GRID1: variants seen among roughly 807,000 people sequenced by gnomAD.
GRID1 encodes glutamate ionotropic receptor delta type subunit 1.
Under a neutral mutation model 98.0 loss-of-function variants are expected in GRID1, and 28 were observed. The ratio of observed to expected loss-of-function variants is 0.29; its 90% CI spans 0.21 to 0.39. The LOEUF is 0.39. Ranked by LOEUF, GRID1 falls within the 10% of genes least tolerant of loss-of-function variation. The pLI is 1.00. For synonymous variants in GRID1, 553 were observed against 538.5 expected, an observed-to-expected ratio of 1.03 and a Z score of -0.37; for missense variants, 1,111 against 1,340.5, an observed-to-expected ratio of 0.83 and a Z score of 2.67.
At chr10:86,055,001 G>T (rs1303741667) in intron 4 of GRID1, among the ~76,000 whole-genome samples, 8 of 152,200 alleles carry the variant, frequency 5.3e-5, no homozygotes, top group African/African-American at 1.7e-4. Flanking sequence ...ATTTCCATGA[G>T]AATGAGCCTG....
Position 85,970,558 on chromosome 10 carries a change from A to G in GRID1, c.727-54319T>C, listed in dbSNP as rs1439247291. ...TAATATGCCATAGTTAACAGAATAA[A>G]GGACAAAAAACATATGATTATCTTT... On this transcript the variant is annotated intron_variant, in intron 4 of 15. Transcript: ENST00000327946. Among the ~76,000 whole-genome samples the G allele has an allele frequency of 3.3e-5, 5 of 152,120 alleles. No individual in the cohort carries two copies. The East Asian group carries it at 9.6e-4, about 29-fold the overall frequency.
intron 12 of GRID1, among the ~76,000 whole-genome samples, chr10:85,696,410 G>A (rs1291242250): frequency 1.3e-5 from 2 of 152,042 alleles, no homozygotes. Context: ...TAAAAAAGCA[G>A]AGAGAAAGGT....
chr10:86,039,726 G>A (rs1317208513), intron 4 of GRID1, among the ~76,000 whole-genome samples: 4 of 152,224 alleles, frequency 2.6e-5, no homozygotes, highest in Admixed American at 2.6e-4. Context: ...TAGGTCCTAA[G>A]CAATGCATTT....
At chr10:85,754,262 C>T (rs571315942) in intron 8 of GRID1, among the ~76,000 whole-genome samples, 3 of 152,312 alleles carry the variant, frequency 2.0e-5, no homozygotes, top group South Asian at 4.1e-4. Flanking sequence ...TCTATCAAAG[C>T]ATCAATATAT....
chr10:86,056,655 G>A lies in GRID1; in HGVS notation c.726+82164C>T, dbSNP rs145735318. ...CAGCCAAAGAAATGAAGTTGCTTCC[G>A]CCCACCAGCATCATTGAGGCAGCAG... On this transcript the variant is annotated intron_variant, in intron 4 of 15. Transcript: ENST00000327946. Among the ~76,000 whole-genome samples the A allele has an allele frequency of 5.6e-3, 848 of 152,280 alleles. 21 individuals carry two copies. Among genetic ancestry groups the A allele is most frequent in the Non-Finnish European group, 1.9e-3 (129 of 68,018 alleles).
chr10:85,977,878 T>C (rs1488033396), intron 4 of GRID1, among the ~76,000 whole-genome samples: 1 of 152,126 alleles, frequency 6.6e-6, no homozygotes, highest in Non-Finnish European at 1.5e-5. Context: ...TGATGGAACA[T>C]GCTTAGGAGC....
intron 4 of GRID1, among the ~76,000 whole-genome samples, chr10:85,939,315 CT>C (rs1429844351): frequency 1.3e-5 from 2 of 152,200 alleles, no homozygotes; most frequent in Non-Finnish European, 2.9e-5. Flanking sequence ...TGTATTAGCT[CT>C]TTATTGATGC....
chr10:86,138,600 G>T (rs1036687137), intron 4 of GRID1, among the ~76,000 whole-genome samples: 1 of 152,216 alleles, frequency 6.6e-6, no homozygotes, highest in Non-Finnish European at 1.5e-5. Context: ...CTCTTCAGAG[G>T]CTGGGCAGGC....
chr10:85,774,191 C>T (rs1236320645), intron 8 of GRID1, among the ~76,000 whole-genome samples: 1 of 152,158 alleles, frequency 6.6e-6, no homozygotes, highest in Non-Finnish European at 1.5e-5. Context: ...ACTATCTGAT[C>T]TTTGACAAAC....
intron 12 of GRID1, among the ~76,000 whole-genome samples, chr10:85,685,629 G>A (rs1841260594): frequency 6.6e-6 from 1 of 152,092 alleles, no homozygotes; most frequent in South Asian, 2.1e-4. Context: ...TGGAGACGTG[G>A]ATATAATAGT....
In GRID1 at chr10:85,990,005, A is replaced by G. The variant is rs144276152; in HGVS notation, c.727-73766T>C. On this transcript the variant is annotated intron_variant, in intron 4 of 15. Transcript: ENST00000327946. ...AAAAGACAGCCGCCTGTGAACCAGG[A>G]AGCAAGCCCTCACCAGATTCTGAAT... is the stretch of plus-strand genomic sequence containing the variant. Among the ~76,000 whole-genome samples the G allele has an allele frequency of 3.3e-3, 510 of 152,278 alleles. 2 individuals carry two copies. The highest frequency in any genetic ancestry group is 0.012 in the African/African-American group (483 of 41,558).
chr10:85,612,202 T>C (rs988791067), intron 15 of GRID1, among the ~76,000 whole-genome samples: 12 of 152,178 alleles, frequency 7.9e-5, no homozygotes, highest in African/African-American at 2.2e-4. Context: ...AATGCCCTTA[T>C]GGACCAATGA....
chr10:85,622,363 C>G (rs113687387), intron 13 of GRID1, among the ~76,000 whole-genome samples: 1 of 152,108 alleles, frequency 6.6e-6, no homozygotes, highest in Admixed American at 6.5e-5. Context: ...TCCCCATTTG[C>G]CTATTTGTAA....
chr10:86,361,630 G>A (rs560095057), intron 2 of GRID1, among the ~76,000 whole-genome samples: 10 of 152,274 alleles, frequency 6.6e-5, no homozygotes, highest in Admixed American at 1.3e-4. Flanking sequence ...GCTTTGGGGC[G>A]CTTACAGGTT....
At chr10:85,620,836 A>C (rs1312421246) in intron 13 of GRID1, among the ~76,000 whole-genome samples, 1 of 152,240 alleles carries the variant, frequency 6.6e-6, no homozygotes, top group Non-Finnish European at 1.5e-5. Flanking sequence ...ATATGTGTGC[A>C]CATATGCATG....
intron 8 of GRID1, among the ~76,000 whole-genome samples, chr10:85,734,754 A>G (rs1158866462): frequency 1.3e-5 from 2 of 152,192 alleles, no homozygotes; most frequent in African/African-American, 4.8e-5. Context: ...CCCAAATCTT[A>G]AGACAAGAGT....
At chr10:86,331,798 A>G (rs545627015) in intron 2 of GRID1, among the ~76,000 whole-genome samples, 2 of 152,270 alleles carry the variant, frequency 1.3e-5, no homozygotes, top group East Asian at 3.9e-4. Context: ...ACTGCTAGTA[A>G]CTGGTCTGGC....
At chr10:85,659,650 A>G (rs554538230) in intron 12 of GRID1, among the ~76,000 whole-genome samples, 2 of 152,322 alleles carry the variant, frequency 1.3e-5, no homozygotes, top group South Asian at 4.1e-4. Context: ...GTTCTGAATC[A>G]GTTTGCAGAA....
chr10:86,057,512 C>A (rs1843591239), intron 4 of GRID1, among the ~76,000 whole-genome samples: 1 of 152,250 alleles, frequency 6.6e-6, no homozygotes, highest in Admixed American at 6.5e-5. Flanking sequence ...CGACACCCTG[C>A]AGTCTCAACC....
Sources: allele counts gnomAD v4.1 joint callset (sites outside exome capture counted in the v4.1 genomes callset), GRCh38; gene constraint gnomAD v4.1.1; transcripts MANE v1.5; gene names NCBI Gene and HGNC (gene_info 2026-07-23, HGNC 2026-07-21).